Variants in TBL1XR1 observed in about 807,000 individuals in gnomAD.
TBL1XR1 encodes the protein TBL1X/Y related 1.
Under a neutral mutation model 66.9 loss-of-function variants are expected in TBL1XR1, and 5 were observed. The ratio of observed to expected loss-of-function variants is 0.07; its 90% CI spans 0.04 to 0.16. The LOEUF is 0.16. Ranked by LOEUF, TBL1XR1 falls within the 10% of genes least tolerant of loss-of-function variation. TBL1XR1 has a pLI of 1.00. For missense variants in TBL1XR1, 238 were observed against 623.2 expected (o/e 0.38, Z 6.58); for synonymous variants, 210 against 206.0 (o/e 1.02, Z -0.17).
At chr3:177,145,744 T>C (rs1396538148) in intron 1 of TBL1XR1, among the ~76,000 whole-genome samples, 2 of 152,218 alleles carry the variant, frequency 1.3e-5, no homozygotes, top group African/African-American at 4.8e-5. Context: ...AATAATAAAG[T>C]TTTGGTCAAA....
chr3:177,069,608 G>A (rs560168143), intron 2 of TBL1XR1, among the ~76,000 whole-genome samples: 9 of 151,988 alleles, frequency 5.9e-5, no homozygotes, highest in East Asian at 1.9e-4. Flanking sequence ...GCATGGTGGC[G>A]CAGGCCTGTA....
intron 3 of TBL1XR1, 133 bp from the exon 4 acceptor site, chr3:177,054,051 TG>T: frequency 2.6e-6 from 1 of 384,210 alleles, no homozygotes; most frequent in Non-Finnish European, 4.5e-6. Context: ...AGGTCGTGTG[TG>T]TGTGTGTGTG....
At position 177,039,760 on chromosome 3, in the gene TBL1XR1, T is replaced by C. The variant is rs569827841; in HGVS notation, c.926-1326A>G. Among the ~76,000 whole-genome samples the C allele has an allele frequency of 6.6e-5, 10 of 152,322 alleles. No individual in the cohort carries two copies. In the East Asian group the frequency reaches 1.9e-3, roughly 29 times the overall value. ...TGGCACATAAGCCAAGAATGGCTTT[T>C]ATAGTGCAATGGGGGAGGAGGGGAT... On this transcript the variant is annotated intron_variant, in intron 10 of 15. Coordinates refer to ENST00000457928, the MANE Select transcript of TBL1XR1 (RefSeq NM_024665.7).
intron 1 of TBL1XR1, among the ~76,000 whole-genome samples, chr3:177,192,092 CAAA>C (rs34461843): frequency 1.2e-3 from 75 of 64,564 alleles, no homozygotes; most frequent in Non-Finnish European, 2.3e-3. Flanking sequence ...GACTCTGTCT[CAAA>C]AAAAAAAAAA....
chr3:177,168,631 G>A (rs1733108798), intron 1 of TBL1XR1, among the ~76,000 whole-genome samples: 1 of 152,098 alleles, frequency 6.6e-6, no homozygotes, highest in East Asian at 1.9e-4. Flanking sequence ...ACAATCAGTT[G>A]TTACTGCTTC....
chr3:177,065,137 T>A (rs1718989987), intron 2 of TBL1XR1, 115 bp from the exon 3 acceptor site: 4 of 609,304 alleles, frequency 6.6e-6, no homozygotes, highest in Non-Finnish European at 1.0e-5. Context: ...AGGTTCTACA[T>A]TGCCTAATAA....
chr3:177,181,079 G>A (rs556024149), intron 1 of TBL1XR1, among the ~76,000 whole-genome samples: 10 of 152,126 alleles, frequency 6.6e-5, no homozygotes, highest in Admixed American at 1.3e-4. Flanking sequence ...GCTAGAAGTA[G>A]AGGATGTTGC....
Position 177,189,469 on chromosome 3 carries a change from A to G in TBL1XR1, c.-122+7652T>C, listed in dbSNP as rs1735844343. On this transcript the variant is annotated intron_variant, in intron 1 of 15. Coordinates refer to ENST00000457928, the MANE Select transcript of TBL1XR1 (RefSeq NM_024665.7). ...AGAGTTCAAGACCAGCCTAGCCAAC[A>G]TGGTGAAACCCCATCTCTACTAAAA... Among the ~76,000 whole-genome samples, 9 of 151,910 alleles carry G rather than the reference A, an allele frequency of 5.9e-5. No homozygotes were observed. The South Asian group carries it at 1.9e-3, about 32-fold the overall frequency.
At chr3:177,047,162 TA>T in intron 9 of TBL1XR1, 137 bp downstream of exon 9, 1 of 681,556 alleles carries the variant, frequency 1.5e-6, no homozygotes, top group Non-Finnish European at 2.5e-6. Flanking sequence ...CTGATAGACC[TA>T]AGGAGTATTT....
At chr3:177,038,202 C>T in intron 11 of TBL1XR1, 30 bp from the exon 12 acceptor site, 1 of 1,609,238 alleles carries the variant, frequency 6.2e-7, no homozygotes. Flanking sequence ...TTCACATTTT[C>T]ATTGTATAGA....
chr3:177,020,840 G>GCAACAA lies in TBL1XR1; in HGVS notation c.*4652_*4657dup, dbSNP rs761989797. The GCAACAA allele has an allele frequency of 2.0e-5, 3 of 152,036 alleles. No individual in the cohort carries two copies. Among genetic ancestry groups the GCAACAA allele is most frequent in the Non-Finnish European group, 2.9e-5 (2 of 67,970 alleles). The allele number at this position is 152,036 out of a possible 1,614,324, so 9.4% of individuals were successfully genotyped here. ...AAGCAATACAATGCAAAGGGGAACT[G>GCAACAA]CAACAACAACAACAACAAGAAATGT... On this transcript the variant is annotated 3_prime_UTR_variant, in exon 16 of 16. Coordinates refer to ENST00000457928, the MANE Select transcript of TBL1XR1 (RefSeq NM_024665.7).
At chr3:177,134,493 A>AT (rs1269160788) in intron 1 of TBL1XR1, among the ~76,000 whole-genome samples, 1 of 152,232 alleles carries the variant, frequency 6.6e-6, no homozygotes, top group Non-Finnish European at 1.5e-5. Flanking sequence ...TCTATAACAC[A>AT]TGCCAATTAT....
intron 2 of TBL1XR1, among the ~76,000 whole-genome samples, chr3:177,069,725 G>A (rs530744421): frequency 5.4e-5 from 8 of 148,682 alleles, no homozygotes; most frequent in African/African-American, 2.0e-4. Flanking sequence ...GGCAACAGAG[G>A]AAAACTCTGA....
At chr3:177,133,456 T>C (rs1341355243) in intron 1 of TBL1XR1, among the ~76,000 whole-genome samples, 1 of 152,186 alleles carries the variant, frequency 6.6e-6, no homozygotes, top group African/African-American at 2.4e-5. Flanking sequence ...ACCAGGTGTG[T>C]GCCCAATAAA....
At chr3:177,049,077 T>A (rs967538564) in intron 7 of TBL1XR1, among the ~76,000 whole-genome samples, 2 of 152,186 alleles carry the variant, frequency 1.3e-5, no homozygotes, top group African/African-American at 2.4e-5. Flanking sequence ...GCTGGCAATT[T>A]TGGAAGAAAA....
At chr3:177,172,633 A>AAGAGAG (rs56803746) in intron 1 of TBL1XR1, among the ~76,000 whole-genome samples, 20 of 117,630 alleles carry the variant, frequency 1.7e-4, no homozygotes, top group East Asian at 5.5e-4. Flanking sequence ...AGAAAGAGAG[A>AAGAGAG]AGAGAGAGAG....
At chr3:177,028,590 A>G (rs576792209) in intron 14 of TBL1XR1, among the ~76,000 whole-genome samples, 5 of 152,324 alleles carry the variant, frequency 3.3e-5, no homozygotes, top group African/African-American at 1.2e-4. Flanking sequence ...TAGAGAAACT[A>G]TAAAACTTTA....
chr3:177,167,004 C>T (rs1732901897), intron 1 of TBL1XR1, among the ~76,000 whole-genome samples: 1 of 152,148 alleles, frequency 6.6e-6, no homozygotes, highest in Admixed American at 6.5e-5. Flanking sequence ...TGGTATCTAC[C>T]CAACAAGTTT....
intron 1 of TBL1XR1, among the ~76,000 whole-genome samples, chr3:177,172,089 G>A (rs937523082): frequency 1.7e-4 from 26 of 151,694 alleles, no homozygotes; most frequent in Non-Finnish European, 2.9e-4. Context: ...GTGAAACCCC[G>A]TCTCTACTAA....
Sources: gnomAD v4.1 joint callset for allele counts (sites outside exome capture counted in the v4.1 genomes callset) on GRCh38, gnomAD v4.1.1 for gene constraint, MANE v1.5 for transcripts, NCBI Gene and HGNC (gene_info 2026-07-23, HGNC 2026-07-21) for gene names.